MAOA: variants seen among roughly 807,000 people sequenced by gnomAD.
The protein encoded by MAOA is monoamine oxidase A.
In MAOA, 6 loss-of-function variants were observed where a neutral mutation model predicts 42.0. The observed-to-expected ratio is 0.14, with a 90% confidence interval of 0.08 to 0.28. The LOEUF is 0.28. Among genes scored for constraint, MAOA ranks in the 10% least tolerant of loss-of-function variants. The probability of loss-of-function intolerance (pLI) is 1.00; values close to 1 mark genes in which losing one functional copy is unlikely to be tolerated. For missense variants in MAOA, 262 were observed against 422.3 expected (o/e 0.62, Z 3.33); for synonymous variants, 140 against 154.0 (o/e 0.91, Z 0.67).
intron 2 of MAOA, 126 bp from the exon 3 acceptor site, chrX:43,693,165 G>A (rs1601935131): frequency 1.6e-6 from 1 of 627,535 alleles, no homozygotes. Flanking sequence ...ATTTTCAGTT[G>A]CTCTTTATAG....
chrX:43,703,979 A>G (rs1486834702), intron 3 of MAOA, among the ~76,000 whole-genome samples: 1 of 112,140 alleles, frequency 8.9e-6, no homozygotes, highest in Non-Finnish European at 1.9e-5. Context: ...ACCTATAATA[A>G]GGAAAGAGAT....
chrX:43,665,242 T>A (rs750479795), intron 1 of MAOA, among the ~76,000 whole-genome samples: 8 of 111,713 alleles, frequency 7.2e-5, no homozygotes, highest in Non-Finnish European at 9.4e-5. Flanking sequence ...TACATTTTTT[T>A]AAAAAGCAGA....
chrX:43,730,248 G>A (rs1425350930), intron 6 of MAOA, among the ~76,000 whole-genome samples: 1 of 108,561 alleles, frequency 9.2e-6, no homozygotes, highest in Admixed American at 9.9e-5. Flanking sequence ...TATCCTTCTG[G>A]TTCTTACCAA....
At chrX:43,679,832 ACTTAGTAATCTCC>A (rs2033428946) in intron 1 of MAOA, among the ~76,000 whole-genome samples, 1 of 112,381 alleles carries the variant, frequency 8.9e-6, no homozygotes, top group South Asian at 3.6e-4. Context: ...ATCACTTTCG[ACTTAGTAATCTCC>A]CTTCTAGAAC....
intron 1 of MAOA, among the ~76,000 whole-genome samples, chrX:43,658,325 C>T (rs1361000200): frequency 9.0e-6 from 1 of 111,511 alleles, no homozygotes; most frequent in African/African-American, 3.3e-5. Context: ...TGATTACCTG[C>T]TCTTCCTCCC....
chrX:43,711,888 T>C lies in MAOA; in HGVS notation c.323T>C (p.Phe108Ser). 8.3e-7 allele frequency: 1 copy of C among 1,202,650 alleles called. No individual in the cohort carries two copies. Among genetic ancestry groups the C allele is most frequent in the Non-Finnish European group, 1.1e-6 (1 of 887,361 alleles). Reference sequence around the variant, plus strand: ...ATGTTCTAGGGGAAAACATATCCATTTCGGGGCGCCTTTCCACCAGTATGG... The same window carrying C: ...ATGTTCTAGGGGAAAACATATCCATCTCGGGGCGCCTTTCCACCAGTATGG... ...VQYVKGKTYP[F>S]RGAFPPVWNP... Residue 108 changes from phenylalanine (F) to serine (S), a missense_variant, in exon 4 of 15, where the codon TTT becomes TCT. Phe to Ser is a radical substitution (Grantham distance 155). Around this residue, in one of 3 missense-constraint regions of MAOA, gnomAD observed 141 missense variants for 195.6 expected, o/e 0.72. Coordinates refer to ENST00000338702, the MANE Select transcript of MAOA (RefSeq NM_000240.4).
At chrX:43,678,127 C>T (rs893840579) in intron 1 of MAOA, among the ~76,000 whole-genome samples, 3 of 111,436 alleles carry the variant, frequency 2.7e-5, no homozygotes, top group Non-Finnish European at 3.8e-5. Flanking sequence ...TACAGATACA[C>T]CATGGAAATC....
intron 1 of MAOA, among the ~76,000 whole-genome samples, chrX:43,667,882 A>G (rs1196369101): frequency 3.6e-5 from 4 of 112,014 alleles, no homozygotes; most frequent in Non-Finnish European, 7.5e-5. Context: ...GGGAATCTCA[A>G]CTTTGCTTAT....
rs181151382 is a variant in MAOA, at chrX:43,723,362, C to T, written c.504-4811C>T. Among the ~76,000 whole-genome samples the T allele has an allele frequency of 6.3e-5, 7 of 111,385 alleles. No homozygotes were observed. The East Asian group carries it at 1.7e-3, about 27-fold the overall frequency. Reference sequence around the variant, plus strand: ...CATTTGTTTGTGCCCTCTTTTATTGCGTTGAGAAGTGGTTTGTAGTTCTCC... The same window carrying T: ...CATTTGTTTGTGCCCTCTTTTATTGTGTTGAGAAGTGGTTTGTAGTTCTCC... On this transcript the variant is annotated intron_variant, in intron 5 of 14. Coordinates refer to ENST00000338702, the MANE Select transcript of MAOA (RefSeq NM_000240.4).
At chrX:43,687,729 G>T (rs1298833924) in intron 2 of MAOA, among the ~76,000 whole-genome samples, 1 of 112,603 alleles carries the variant, frequency 8.9e-6, no homozygotes, top group Non-Finnish European at 1.9e-5. Context: ...CTAGACTTCT[G>T]ATCTTCCTTA....
chrX:43,674,072 T>C (rs1369434880), intron 1 of MAOA, among the ~76,000 whole-genome samples: 1 of 111,943 alleles, frequency 8.9e-6, no homozygotes, highest in Non-Finnish European at 1.9e-5. Flanking sequence ...TATTATTGTG[T>C]GGGAGTCTAA....
intron 1 of MAOA, 52 bp downstream of exon 1, chrX:43,656,466 G>A (rs766067108): frequency 2.8e-6 from 3 of 1,060,095 alleles, no homozygotes; most frequent in African/African-American, 3.7e-5. Context: ...GTGAGGGGTA[G>A]GGGAACCTAC....
At chrX:43,688,340 G>A (rs1469485094) in intron 2 of MAOA, among the ~76,000 whole-genome samples, 1 of 111,315 alleles carries the variant, frequency 9.0e-6, no homozygotes, top group Non-Finnish European at 1.9e-5. Flanking sequence ...GAGTGCAGTG[G>A]GACGATCTCA....
At chrX:43,663,370 TTGAC>T (rs772641669) in intron 1 of MAOA, among the ~76,000 whole-genome samples, 2 of 111,769 alleles carry the variant, frequency 1.8e-5, no homozygotes, top group African/African-American at 6.5e-5. Context: ...ATTTAATTGA[TTGAC>T]TAAGAGTGTT....
intron 12 of MAOA, among the ~76,000 whole-genome samples, chrX:43,742,431 G>T (rs2033966742): frequency 8.9e-6 from 1 of 112,532 alleles, no homozygotes; most frequent in Non-Finnish European, 1.9e-5. Flanking sequence ...CTTCTGTCTT[G>T]CCAACAGAGC....
chrX:43,715,734 G>T (rs1347929457), intron 5 of MAOA, among the ~76,000 whole-genome samples: 1 of 110,567 alleles, frequency 9.0e-6, no homozygotes, highest in Non-Finnish European at 1.9e-5. Context: ...CATGGAAAGG[G>T]TGGGGATAGT....
At chrX:43,661,487 A>C (rs1233976875) in intron 1 of MAOA, among the ~76,000 whole-genome samples, 2 of 111,696 alleles carry the variant, frequency 1.8e-5, no homozygotes, top group Non-Finnish European at 3.8e-5. Context: ...CATACCATAC[A>C]GGAGAGACTA....
chrX:43,702,096 C>T (rs1405533156), intron 3 of MAOA, among the ~76,000 whole-genome samples: 2 of 112,154 alleles, frequency 1.8e-5, no homozygotes, highest in Non-Finnish European at 3.8e-5. Context: ...ATTCTGGGCA[C>T]TTCCTGAAGA....
intron 1 of MAOA, among the ~76,000 whole-genome samples, chrX:43,682,287 G>A (rs184311290): frequency 1.5e-4 from 17 of 111,161 alleles, no homozygotes; most frequent in African/African-American, 5.2e-4. Flanking sequence ...CCAGTAAAAG[G>A]GACCAAAGCT....
Sources: gnomAD v4.1 joint callset for allele counts (sites outside exome capture counted in the v4.1 genomes callset) on GRCh38, gnomAD v4.1.1 for gene constraint, gnomAD v4.1.1 regional missense constraint, MANE v1.5 for transcripts, NCBI Gene and HGNC (gene_info 2026-07-23, HGNC 2026-07-21) for gene names.